The following MTCL3 variants were observed in gnomAD, a reference collection of about 807,000 sequenced individuals.
The protein encoded by MTCL3 is microtubule cross-linking factor 3.
the MTCL3 span, among the ~76,000 whole-genome samples, chr6:127,499,817 G>A: frequency 2.0e-5 from 3 of 152,298 alleles, no homozygotes; most frequent in South Asian, 2.1e-4. Context: ...TGGCAGGCAC[G>A]CTGACAGGTG....
the MTCL3 span, chr6:127,519,283 A>G: frequency 6.6e-6 from 1 of 152,190 alleles, no homozygotes; most frequent in African/African-American, 2.4e-5. Context: ...GCGGACTAGA[A>G]CAGCCTTCCG....
chr6:127,473,604 C>A, the MTCL3 span, among the ~76,000 whole-genome samples: 11 of 152,262 alleles, frequency 7.2e-5, no homozygotes, highest in Admixed American at 2.0e-4. Context: ...TAACCGAATA[C>A]ATATCAAAAT....
the MTCL3 span, chr6:127,476,011 C>A: frequency 6.2e-7 from 1 of 1,610,934 alleles, no homozygotes; most frequent in Non-Finnish European, 8.5e-7. The surrounding 1 kb of genome is among the most constrained non-coding windows in gnomAD (Gnocchi z 4.4). Context: ...CGCCGTGATG[C>A]GCTTGTTCTG....
chr6:127,481,267 G>A, the MTCL3 span: 1 of 977,916 alleles, frequency 1.0e-6, no homozygotes, highest in South Asian at 4.7e-5. Context: ...AAGATTCATG[G>A]CAACACGTGA....
chr6:127,516,125 C>T, the MTCL3 span: 2 of 1,460,488 alleles, frequency 1.4e-6, no homozygotes, highest in Non-Finnish European at 9.0e-7. Context: ...CCCCCTTCTC[C>T]GAGCGGAGGG....
the MTCL3 span, chr6:127,516,489 G>T: frequency 6.3e-7 from 1 of 1,599,618 alleles, no homozygotes. Flanking sequence ...TCGGTCTAGC[G>T]GGTGACTGAG....
At chr6:127,515,791 G>C in the MTCL3 span, 1 of 1,607,886 alleles carries the variant, frequency 6.2e-7, no homozygotes, top group Non-Finnish European at 8.5e-7. The surrounding 1 kb of genome is among the most constrained non-coding windows in gnomAD (Gnocchi z 4.3). Flanking sequence ...CATCTGAGCC[G>C]CGGCCGCCGC....
chr6:127,495,573 C>T, the MTCL3 span, among the ~76,000 whole-genome samples: 1 of 152,090 alleles, frequency 6.6e-6, no homozygotes, highest in African/African-American at 2.4e-5. Flanking sequence ...CTTGAATGTG[C>T]CATTACAAGA....
At chr6:127,492,670 G>A in the MTCL3 span, among the ~76,000 whole-genome samples, 74 of 151,974 alleles carry the variant, frequency 4.9e-4, no homozygotes, top group African/African-American at 1.7e-3. Context: ...ACAGGCGCCC[G>A]CCACCACACC....
the MTCL3 span, among the ~76,000 whole-genome samples, chr6:127,508,183 C>A: frequency 1.3e-5 from 2 of 152,156 alleles, no homozygotes; most frequent in Non-Finnish European, 2.9e-5. Flanking sequence ...TGCTTCTTCG[C>A]TGATTTATCA....
At chr6:127,476,178 C>T in the MTCL3 span, 5 of 1,614,172 alleles carry the variant, frequency 3.1e-6, no homozygotes, top group South Asian at 5.5e-5. This position sits in a 1 kb window ranked among gnomAD's most constrained non-coding sequence, Gnocchi z 4.4. Flanking sequence ...CCAGTTCCGC[C>T]TTCAGGCCTC....
the MTCL3 span, among the ~76,000 whole-genome samples, chr6:127,500,295 G>A: frequency 2.7e-4 from 41 of 152,068 alleles, no homozygotes; most frequent in Non-Finnish European, 4.7e-4. Flanking sequence ...TATATAATAA[G>A]ACATATTTTT....
At chr6:127,499,034 A>G in the MTCL3 span, among the ~76,000 whole-genome samples, 1 of 152,176 alleles carries the variant, frequency 6.6e-6, no homozygotes, top group African/African-American at 2.4e-5. Flanking sequence ...AAACCATTAA[A>G]TTGTACAATT....
chr6:127,488,469 G>C, the MTCL3 span, among the ~76,000 whole-genome samples: 1 of 152,172 alleles, frequency 6.6e-6, no homozygotes, highest in African/African-American at 2.4e-5. Flanking sequence ...TATAGCTCCT[G>C]CTCTTAGAAA....
the MTCL3 span, among the ~76,000 whole-genome samples, chr6:127,488,860 T>C: frequency 6.6e-6 from 1 of 152,140 alleles, no homozygotes; most frequent in African/African-American, 2.4e-5. Flanking sequence ...CAATAAAAAA[T>C]AATGCAAACT....
chr6:127,506,985 A>G, the MTCL3 span, among the ~76,000 whole-genome samples: 1 of 152,204 alleles, frequency 6.6e-6, no homozygotes, highest in Non-Finnish European at 1.5e-5. Context: ...ACATGGATAA[A>G]TTGCTAATCT....
At chr6:127,510,248 A>G in the MTCL3 span, among the ~76,000 whole-genome samples, 30 of 152,330 alleles carry the variant, frequency 2.0e-4, no homozygotes, top group East Asian at 5.8e-4. Context: ...AACTCCAAGG[A>G]CAATCAAATT....
the MTCL3 span, chr6:127,515,543 T>G: frequency 6.8e-7 from 1 of 1,462,118 alleles, no homozygotes; most frequent in Non-Finnish European, 9.0e-7. This position sits in a 1 kb window ranked among gnomAD's most constrained non-coding sequence, Gnocchi z 4.3. Flanking sequence ...TCTCGCAGCT[T>G]CTCCATCTCC....
the MTCL3 span, among the ~76,000 whole-genome samples, chr6:127,509,357 T>C: frequency 2.0e-5 from 3 of 152,158 alleles, no homozygotes; most frequent in Non-Finnish European, 4.4e-5. Context: ...TGTGAGGAGG[T>C]GCACAAGACC....
Sources: gnomAD v4.1 joint callset for allele counts (sites outside exome capture counted in the v4.1 genomes callset) on GRCh38, gnomAD v4.1.1 for gene constraint, Gnocchi (gnomAD v3.1) non-coding constraint, MANE v1.5 for transcripts, NCBI Gene and HGNC (gene_info 2026-07-23, HGNC 2026-07-21) for gene names.